The following HDGFL2 variants were observed in gnomAD, a reference collection of about 807,000 sequenced individuals.
HDGFL2 encodes the protein hepatoma-derived growth factor-related protein 2.
A neutral mutation model predicts 77.1 loss-of-function variants in HDGFL2; 36 were observed. The ratio of observed to expected loss-of-function variants is 0.47; its 90% confidence interval spans 0.36 to 0.62. HDGFL2 has a LOEUF of 0.62. HDGFL2 is among the 20% of genes least tolerant of loss of function. HDGFL2 has a pLI of 0.00. For missense variants in HDGFL2, 976 were observed against 973.4 expected, an observed-to-expected ratio of 1.00 and a Z score of -0.04; for synonymous variants, 463 against 413.1, an observed-to-expected ratio of 1.12 and a Z score of -1.46.
In HDGFL2 at chr19:4,493,665, G is replaced by A. The variant is rs779527123; in HGVS notation, c.679-38G>A. ...TGGTGCGCCCCGCTTCTCACGGTGG[G>A]GCTCCTGATGCTCACGCCTGTCCCT... On this transcript the variant is annotated intron_variant, in intron 6 of 15. Transcript: ENST00000616600. 2.3e-5 allele frequency: 33 copies of A among 1,406,994 alleles called. No individual in the cohort carries two copies. In the South Asian group the frequency reaches 5.2e-4, roughly 22 times the overall value. The allele number at this position is 1,406,994 out of a possible 1,614,324, so 87.2% of individuals were successfully genotyped here.
chr19:4,479,546 A>G (rs1383423040), intron 3 of HDGFL2, among the ~76,000 whole-genome samples: 2 of 148,014 alleles, frequency 1.4e-5, no homozygotes, highest in Non-Finnish European at 3.0e-5. Flanking sequence ...CCACCACTGC[A>G]CTCCAGCCTG....
chr19:4,474,954 G>A (rs1975033901), intron 1 of HDGFL2: 1 of 248,934 alleles, frequency 4.0e-6, no homozygotes, highest in Non-Finnish European at 7.8e-6. Context: ...CCCCAGGAAA[G>A]GTCCTGGGAG....
intron 1 of HDGFL2, among the ~76,000 whole-genome samples, chr19:4,474,349 C>G (rs1183656459): frequency 6.6e-6 from 1 of 152,074 alleles, no homozygotes; most frequent in Non-Finnish European, 1.5e-5. Flanking sequence ...TGAGGCATGC[C>G]GGGCTGGTCC....
At chr19:4,483,177 G>A (rs1975264807) in intron 3 of HDGFL2, among the ~76,000 whole-genome samples, 1 of 152,212 alleles carries the variant, frequency 6.6e-6, no homozygotes, top group Admixed American at 6.5e-5. Context: ...CACAGACAGG[G>A]CCCTGTCGCT....
At chr19:4,481,795 T>C (rs766345189) in intron 3 of HDGFL2, among the ~76,000 whole-genome samples, 21 of 152,116 alleles carry the variant, frequency 1.4e-4, no homozygotes, top group Non-Finnish European at 2.2e-4. Flanking sequence ...TTGGTAGTGC[T>C]GACCCCTCAG....
At chr19:4,491,249 A>ACCCGCCCC (rs1975499381) in intron 4 of HDGFL2, among the ~76,000 whole-genome samples, 1 of 39,474 alleles carries the variant, frequency 2.5e-5, no homozygotes, top group Non-Finnish European at 4.8e-5. Context: ...CACTCCCACC[A>ACCCGCCCC]CCCACCCCCC....
chr19:4,492,456 GGTGCCTGTGTGT>G (rs1975541310), intron 6 of HDGFL2, among the ~76,000 whole-genome samples: 2 of 150,380 alleles, frequency 1.3e-5, no homozygotes, highest in South Asian at 2.1e-4. Flanking sequence ...GAGTATATGT[GGTGCCTGTGTGT>G]GTGCCTGTGT....
chr19:4,475,031 G>A, intron 1 of HDGFL2: 3 of 525,992 alleles, frequency 5.7e-6, no homozygotes, highest in South Asian at 2.2e-5. Flanking sequence ...CTTTGCTCAG[G>A]TGGAGCACCT....
At position 4,498,897 on chromosome 19, in the gene HDGFL2, G is replaced by C; in HGVS notation, c.1557G>C (p.Val519=). The C allele has an allele frequency of 6.2e-7, 1 of 1,610,146 alleles. No homozygotes were observed. The highest frequency in any genetic ancestry group is 8.5e-7 in the Non-Finnish European group (1 of 1,177,852). ...TSQILQKNTD[V]VATLKKIRRY... is the part of the protein sequence containing the mutation. ...AGATCCTCCAGAAGAACACAGACGT[G>C]GTGGCCACCTTGAAGAAGGTATGGC... The change falls in exon 13 of 16, where the codon GTG becomes GTC. Residue 519 remains valine, a synonymous_variant. Transcript: ENST00000616600.
At chr19:4,478,699 T>TC (rs927343175) in intron 3 of HDGFL2, among the ~76,000 whole-genome samples, 6 of 151,384 alleles carry the variant, frequency 4.0e-5, no homozygotes, top group African/African-American at 1.5e-4. Context: ...TTTTTTTTTT[T>TC]CAGACGGTGT....
chr19:4,499,628 C>A lies in HDGFL2; in HGVS notation c.1713C>A (p.Ala571=). ...VNKAGMEKEK[A]EEKLAGEELA... ...AGGCTGGGATGGAGAAGGAGAAGGCCGAGGAGAAGCTGGCCGGGGAGGAGC... is the reference window on the plus strand; with the variant it reads ...AGGCTGGGATGGAGAAGGAGAAGGCAGAGGAGAAGCTGGCCGGGGAGGAGC... Residue 571 remains alanine, a synonymous_variant, in exon 14 of 16, where the codon GCC becomes GCA. Transcript: ENST00000616600. 1 of 1,594,982 alleles carries A rather than the reference C, an allele frequency of 6.3e-7. No individual in the cohort carries two copies. Among genetic ancestry groups the A allele is most frequent in the Non-Finnish European group, 8.5e-7 (1 of 1,170,666 alleles).
chr19:4,491,056 C>T lies in HDGFL2; in HGVS notation c.490-510C>T, dbSNP rs554432480. ...AACTCCCGACCTCAGGTGATCTGCT[C>T]GCCTCAGCCTCCCAAAGTGCTGGGA... On this transcript the variant is annotated intron_variant, in intron 4 of 15. Coordinates refer to ENST00000616600, the MANE Select transcript of HDGFL2 (RefSeq NM_001001520.3). Among the ~76,000 whole-genome samples the T allele has an allele frequency of 7.9e-5, 12 of 152,134 alleles. No individual in the cohort carries two copies. The South Asian group carries it at 1.2e-3, about 16-fold the overall frequency.
intron 3 of HDGFL2, among the ~76,000 whole-genome samples, chr19:4,483,877 C>T (rs981261762): frequency 4.0e-5 from 6 of 150,344 alleles, no homozygotes; most frequent in African/African-American, 1.2e-4. Context: ...GCAACCTCTG[C>T]CTCTCGTGTT....
intron 9 of HDGFL2, 63 bp from the exon 10 acceptor site, chr19:4,496,239 G>A (rs1032827369): frequency 1.3e-5 from 17 of 1,346,714 alleles, no homozygotes; most frequent in Non-Finnish European, 1.8e-5. Context: ...TAGTGGGATG[G>A]GCTAGGGGTC....
At chr19:4,479,539 C>T (rs1163728097) in intron 3 of HDGFL2, among the ~76,000 whole-genome samples, 1 of 150,538 alleles carries the variant, frequency 6.6e-6, no homozygotes, top group East Asian at 1.9e-4. Flanking sequence ...TGAGCTCCCA[C>T]CACTGCACTC....
At chr19:4,479,611 G>A (rs532701492) in intron 3 of HDGFL2, among the ~76,000 whole-genome samples, 6 of 137,252 alleles carry the variant, frequency 4.4e-5, no homozygotes, top group Admixed American at 3.0e-4. Flanking sequence ...AAGAAACCCC[G>A]CCTCTACCCA....
At chr19:4,495,862 T>C (rs1161711450) in intron 9 of HDGFL2, among the ~76,000 whole-genome samples, 3 of 152,054 alleles carry the variant, frequency 2.0e-5, no homozygotes, top group Admixed American at 2.0e-4. Context: ...CTTGTGGAGA[T>C]TCAGGCAATG....
intron 3 of HDGFL2, among the ~76,000 whole-genome samples, chr19:4,479,064 C>T (rs1975146026): frequency 2.6e-5 from 4 of 151,842 alleles, no homozygotes; most frequent in South Asian, 2.1e-4. Flanking sequence ...TGGTGGCTCA[C>T]GCCTGTAACC....
At position 4,501,940 on chromosome 19, in the gene HDGFL2, G is replaced by A. The variant is rs1207255209; in HGVS notation, c.1946G>A (p.Arg649Lys). 3 of 1,497,298 alleles carry A rather than the reference G, an allele frequency of 2.0e-6. No homozygotes were observed. The highest frequency in any genetic ancestry group is 1.4e-5 in the African/African-American group (1 of 70,290). The allele number at this position is 1,497,298 out of a possible 1,614,324, so 92.8% of individuals were successfully genotyped here. Reference sequence around the variant, plus strand: ...GTACGGGAGGGTCCCGACCTGGACAGGCCTGGGAGCGACCGGCAGGAGCGC... The same window carrying A: ...GTACGGGAGGGTCCCGACCTGGACAAGCCTGGGAGCGACCGGCAGGAGCGC... ...DSVREGPDLD[R>K]PGSDRQERER... The change falls in exon 16 of 16, where the codon AGG becomes AAG. Residue 649 changes from arginine (R) to lysine (K), a missense_variant. By Grantham distance (26) the Arg-to-Lys change is conservative. Transcript: ENST00000616600.
Sources: gnomAD v4.1 joint callset for allele counts (sites outside exome capture counted in the v4.1 genomes callset) on GRCh38, gnomAD v4.1.1 for gene constraint, MANE v1.5 for transcripts, NCBI Gene and HGNC (gene_info 2026-07-23, HGNC 2026-07-21) for gene names.